Variants in PTPRD observed in about 807,000 individuals in gnomAD.
PTPRD encodes protein tyrosine phosphatase receptor type D.
A neutral mutation model predicts 214.5 loss-of-function variants in PTPRD; 34 were observed. That is an observed-to-expected ratio of 0.16 (90% CI 0.12 to 0.21). The LOEUF is 0.21. PTPRD is among the 10% of genes least tolerant of loss of function. The probability of loss-of-function intolerance (pLI) is 1.00; values close to 1 mark genes in which losing one functional copy is unlikely to be tolerated. For synonymous variants in PTPRD, 1,128 were observed against 845.7 expected (o/e 1.33, Z -5.79); for missense variants, 2,545 against 2,398.7 (o/e 1.06, Z -1.27).
intron 11 of PTPRD, among the ~76,000 whole-genome samples, chr9:8,880,382 T>C (rs1213449716): frequency 6.6e-6 from 1 of 152,216 alleles, no homozygotes; most frequent in African/African-American, 2.4e-5. Context: ...TACCTGTGGA[T>C]ATCTACAGGC....
intron 4 of PTPRD, among the ~76,000 whole-genome samples, chr9:9,948,907 A>G (rs1364920722): frequency 6.6e-6 from 1 of 152,152 alleles, no homozygotes; most frequent in Admixed American, 6.6e-5. Flanking sequence ...AGCTATTTGA[A>G]ATATAAATAA....
intron 2 of PTPRD, among the ~76,000 whole-genome samples, chr9:10,568,910 A>G (rs2066531335): frequency 6.6e-6 from 1 of 152,176 alleles, no homozygotes; most frequent in African/African-American, 2.4e-5. Context: ...ACAAAAGCCA[A>G]AATTGACAAA....
chr9:8,564,687 G>A (rs879706536), intron 14 of PTPRD, among the ~76,000 whole-genome samples: 1 of 152,068 alleles, frequency 6.6e-6, no homozygotes, highest in Non-Finnish European at 1.5e-5. Context: ...GCGACAGAAT[G>A]AAGACTCTGT....
chr9:10,357,893 T>C (rs193076790), intron 2 of PTPRD, among the ~76,000 whole-genome samples: 206 of 152,228 alleles, frequency 1.4e-3, no homozygotes, highest in Middle Eastern at 3.4e-3. Context: ...AAAAGAATTA[T>C]ATAAACAGAA....
intron 9 of PTPRD, among the ~76,000 whole-genome samples, chr9:9,369,902 T>A (rs1473843445): frequency 6.6e-6 from 1 of 152,196 alleles, no homozygotes; most frequent in Non-Finnish European, 1.5e-5. Flanking sequence ...GTCAGGTTTG[T>A]CAAAGATCAG....
intron 8 of PTPRD, among the ~76,000 whole-genome samples, chr9:9,561,121 G>A (rs1473543891): frequency 2.0e-5 from 3 of 152,134 alleles, no homozygotes; most frequent in Non-Finnish European, 2.9e-5. Flanking sequence ...TAGAGCCAAT[G>A]ATGGCCTTCC....
chr9:9,378,360 T>A (rs1596664131), intron 9 of PTPRD, among the ~76,000 whole-genome samples: 1 of 152,286 alleles, frequency 6.6e-6, no homozygotes, highest in South Asian at 2.1e-4. Flanking sequence ...GCTTGACAGA[T>A]CATTTCTTTT....
In PTPRD at chr9:9,818,665, C is replaced by A. The variant is rs139164913; in HGVS notation, c.-367-51814G>T. Among the ~76,000 whole-genome samples, 709 of 152,062 alleles carry A rather than the reference C, an allele frequency of 4.7e-3. 15 individuals carry two copies. The highest frequency in any genetic ancestry group is 0.033 in the Admixed American group (504 of 15,264). ...GGGCGTGGTGGCTCATGCCTGTAAT[C>A]CCAGCACTTTGGGAGGCCGAGATGG... On this transcript the variant is annotated intron_variant, in intron 5 of 45. Coordinates refer to ENST00000381196, the MANE Select transcript of PTPRD (RefSeq NM_002839.4).
At chr9:8,408,537 A>T (rs2093240232) in intron 35 of PTPRD, among the ~76,000 whole-genome samples, 1 of 152,176 alleles carries the variant, frequency 6.6e-6, no homozygotes, top group Non-Finnish European at 1.5e-5. Context: ...AGCAAGCTAG[A>T]TTTATTTAAG....
intron 8 of PTPRD, among the ~76,000 whole-genome samples, chr9:9,499,090 C>A (rs1480667115): frequency 6.6e-6 from 1 of 151,970 alleles, no homozygotes; most frequent in African/African-American, 2.4e-5. Context: ...AATTGTTTCT[C>A]AAGGCAACAC....
At chr9:9,297,073 T>A (rs1953349960) in intron 9 of PTPRD, among the ~76,000 whole-genome samples, 1 of 151,696 alleles carries the variant, frequency 6.6e-6, no homozygotes, top group Non-Finnish European at 1.5e-5. Context: ...GCACTGCATG[T>A]TCATAGCTAC....
chr9:9,084,928 G>A (rs535201520), intron 10 of PTPRD, among the ~76,000 whole-genome samples: 1 of 152,154 alleles, frequency 6.6e-6, no homozygotes, highest in East Asian at 1.9e-4. Flanking sequence ...ACTATAAAAT[G>A]AAGAAAACTT....
At chr9:9,013,712 T>G (rs2099521438) in intron 11 of PTPRD, among the ~76,000 whole-genome samples, 2 of 152,148 alleles carry the variant, frequency 1.3e-5, no homozygotes, top group Non-Finnish European at 2.9e-5. Flanking sequence ...AGCAGCCAAG[T>G]CGACTCAAAA....
chr9:9,736,192 CTATT>C (rs921931255), intron 6 of PTPRD, among the ~76,000 whole-genome samples: 1 of 152,092 alleles, frequency 6.6e-6, no homozygotes, highest in Non-Finnish European at 1.5e-5. Flanking sequence ...TCTCAGTAAA[CTATT>C]AATTATCTGT....
At chr9:8,601,470 T>C (rs901895950) in intron 14 of PTPRD, among the ~76,000 whole-genome samples, 4 of 152,240 alleles carry the variant, frequency 2.6e-5, no homozygotes, top group Middle Eastern at 3.4e-3. Flanking sequence ...TGACACAGCA[T>C]AGTCCCAGTG....
At chr9:9,693,457 C>A (rs114467462) in intron 7 of PTPRD, among the ~76,000 whole-genome samples, 3 of 152,090 alleles carry the variant, frequency 2.0e-5, no homozygotes, top group Non-Finnish European at 2.9e-5. Context: ...TTCCTCCCCC[C>A]GCCATGTGCA....
chr9:10,052,553 G>C (rs559709310), intron 3 of PTPRD, among the ~76,000 whole-genome samples: 1 of 152,066 alleles, frequency 6.6e-6, no homozygotes, highest in African/African-American at 2.4e-5. Flanking sequence ...TGTAAAACTG[G>C]GTATTTTTCA....
At position 9,649,366 on chromosome 9, in the gene PTPRD, G is replaced by T. The variant is rs559623658; in HGVS notation, c.-286-74585C>A. Among the ~76,000 whole-genome samples, 3 of 152,168 alleles carry T rather than the reference G, an allele frequency of 2.0e-5. No homozygotes were observed. In the South Asian group the frequency reaches 6.2e-4, roughly 32 times the overall value. On this transcript the variant is annotated intron_variant, in intron 7 of 45. Coordinates refer to ENST00000381196, the MANE Select transcript of PTPRD (RefSeq NM_002839.4). ...ATGTGTACACTCTATCTGTAAAATG[G>T]CAAAATCAGAGAAAAATTTGAATGG...
intron 2 of PTPRD, among the ~76,000 whole-genome samples, chr9:10,418,315 C>G (rs962918656): frequency 2.0e-5 from 3 of 151,696 alleles, no homozygotes; most frequent in African/African-American, 7.3e-5. Context: ...AAAATGTACA[C>G]TTCGCCCTTG....
Sources: allele counts gnomAD v4.1 joint callset (sites outside exome capture counted in the v4.1 genomes callset), GRCh38; gene constraint gnomAD v4.1.1; transcripts MANE v1.5; gene names NCBI Gene and HGNC (gene_info 2026-07-23, HGNC 2026-07-21).